The following HSD17B12 variants were observed in gnomAD, a reference collection of about 807,000 sequenced individuals.
HSD17B12 encodes the protein hydroxysteroid 17-beta dehydrogenase 12.
In HSD17B12, 32 loss-of-function variants were observed where a neutral mutation model predicts 39.3. The ratio of observed to expected loss-of-function variants is 0.81; its 90% CI spans 0.61 to 1.09. The LOEUF is 1.09. Ranked by LOEUF, HSD17B12 falls within the 50% of genes least tolerant of loss-of-function variation. HSD17B12 has a pLI of 0.00. For missense variants in HSD17B12, 342 were observed against 382.9 expected (o/e 0.89, Z 0.89); for synonymous variants, 150 against 146.7 (o/e 1.02, Z -0.16).
the HSD17B12 span, among the ~76,000 whole-genome samples, chr11:43,663,618 A>G: frequency 0.38 from 58,191 of 152,052 alleles, 12,594 homozygotes; most frequent in East Asian, 0.76. Flanking sequence ...ATTTTAAACC[A>G]TGTTTTCTGT....
intron 7 of HSD17B12, among the ~76,000 whole-genome samples, chr11:43,832,189 C>T (rs1951317911): frequency 6.6e-6 from 1 of 152,058 alleles, no homozygotes; most frequent in Non-Finnish European, 1.5e-5. Flanking sequence ...GTGGTTAGAC[C>T]AGACCAGAAC....
At chr11:43,599,112 A>T in the HSD17B12 span, among the ~76,000 whole-genome samples, 2 of 152,226 alleles carry the variant, frequency 1.3e-5, no homozygotes, top group Non-Finnish European at 2.9e-5. Flanking sequence ...TCAACGATCT[A>T]TCCATCTATC....
chr11:43,733,920 T>A (rs1341537141), intron 1 of HSD17B12: 3 of 690,842 alleles, frequency 4.3e-6, no homozygotes, highest in African/African-American at 3.5e-5. Context: ...GGGAAGGGAC[T>A]CACTTTCTCA....
rs11037573 is a variant in HSD17B12, at chr11:43,703,430, G to A, written c.160+22443G>A. Among the ~76,000 whole-genome samples, 567 of 152,208 alleles carry A rather than the reference G, an allele frequency of 3.7e-3. 3 individuals carry two copies. The highest frequency in any genetic ancestry group is 0.034 in the East Asian group (177 of 5,170). On this transcript the variant is annotated intron_variant, in intron 1 of 10. Transcript: ENST00000278353. ...GGGATGGTCTCGATCTCCCGACCTC[G>A]TGATCCGCCCGCCTCGGCCTCCCAA...
In HSD17B12 at chr11:43,854,837, C is replaced by T. The variant is rs749751547; in HGVS notation, c.807C>T (p.Thr269=). 4 of 1,614,064 alleles carry T rather than the reference C, an allele frequency of 2.5e-6. No individual in the cohort carries two copies. Among genetic ancestry groups the T allele is most frequent in the Admixed American group, 3.3e-5 (2 of 60,002 alleles). ...AIKTVGLQSR[T]NGYLIHALMG... ...AAACAGTCGGCCTGCAATCCCGAACCAATGGATACCTGATCCATGCTCTTA... is the reference window on the plus strand; with the variant it reads ...AAACAGTCGGCCTGCAATCCCGAACTAATGGATACCTGATCCATGCTCTTA... The change falls in exon 10 of 11, where the codon ACC becomes ACT. Residue 269 remains threonine (T), a synonymous_variant. Coordinates refer to ENST00000278353, the MANE Select transcript of HSD17B12 (RefSeq NM_016142.3).
chr11:43,591,454 A>G, the HSD17B12 span, among the ~76,000 whole-genome samples: 1 of 152,208 alleles, frequency 6.6e-6, no homozygotes, highest in Admixed American at 6.5e-5. Context: ...AGCAATCATG[A>G]AAACAGTGGC....
chr11:43,733,361 C>T (rs934439245), intron 1 of HSD17B12, among the ~76,000 whole-genome samples: 3 of 152,098 alleles, frequency 2.0e-5, no homozygotes, highest in Admixed American at 6.5e-5. Flanking sequence ...TATCTACCAC[C>T]CTCCTAGGGT....
intron 3 of HSD17B12, among the ~76,000 whole-genome samples, chr11:43,765,020 A>G: frequency 6.6e-6 from 1 of 151,424 alleles, no homozygotes; most frequent in East Asian, 1.9e-4. Flanking sequence ...CATGCTTTTT[A>G]TAATTCTAAT....
At chr11:43,633,278 TC>T in the HSD17B12 span, among the ~76,000 whole-genome samples, 1 of 152,200 alleles carries the variant, frequency 6.6e-6, no homozygotes, top group Non-Finnish European at 1.5e-5. Context: ...CCGCCTGTAA[TC>T]CCAGCACTTT....
the HSD17B12 span, among the ~76,000 whole-genome samples, chr11:43,591,277 G>C: frequency 1.3e-4 from 19 of 151,978 alleles, no homozygotes; most frequent in Non-Finnish European, 2.5e-4. Context: ...AACATTTTAG[G>C]CCATAATATA....
intron 1 of HSD17B12, among the ~76,000 whole-genome samples, chr11:43,712,286 G>A (rs904277078): frequency 1.3e-5 from 2 of 152,054 alleles, no homozygotes; most frequent in African/African-American, 4.8e-5. Flanking sequence ...AATTAGCTGG[G>A]CATGGTGGCA....
rs570882105 is a variant in HSD17B12 at position 43,804,728 on chromosome 11, G to T, written c.391+6301G>T. On this transcript the variant is annotated intron_variant, in intron 4 of 10. Transcript: ENST00000278353. Reference sequence around the variant, plus strand: ...ACCTAGTGTTTCCCAGAAGGTTCTAGGATAGAGAATAGTTGAATATAAATA... The same window carrying T: ...ACCTAGTGTTTCCCAGAAGGTTCTATGATAGAGAATAGTTGAATATAAATA... Among the ~76,000 whole-genome samples the T allele has an allele frequency of 3.1e-3, 467 of 152,176 alleles. 2 individuals are homozygous for T. Among genetic ancestry groups the T allele is most frequent in the Non-Finnish European group, 4.3e-3 (295 of 68,012 alleles).
At chr11:43,587,602 A>G in the HSD17B12 span, among the ~76,000 whole-genome samples, 1 of 152,260 alleles carries the variant, frequency 6.6e-6, no homozygotes, top group Non-Finnish European at 1.5e-5. Context: ...AATGCTGAAC[A>G]GCAGCTCGTA....
chr11:43,764,161 C>T (rs1431256612), intron 3 of HSD17B12, among the ~76,000 whole-genome samples: 1 of 152,080 alleles, frequency 6.6e-6, no homozygotes, highest in African/African-American at 2.4e-5. Context: ...TAATGTGAAA[C>T]TTGGATTCTT....
chr11:43,805,943 CA>C (rs1951014205), intron 4 of HSD17B12, among the ~76,000 whole-genome samples: 1 of 152,142 alleles, frequency 6.6e-6, no homozygotes, highest in African/African-American at 2.4e-5. Flanking sequence ...CTCAGAAAAG[CA>C]CTATACTCAT....
At chr11:43,644,868 G>C in the HSD17B12 span, 2 of 152,240 alleles carry the variant, frequency 1.3e-5, no homozygotes, top group African/African-American at 2.4e-5. Flanking sequence ...GTTCCTACTT[G>C]TGAAATGCCT....
the HSD17B12 span, among the ~76,000 whole-genome samples, chr11:43,643,880 A>T: frequency 7.4e-4 from 113 of 152,342 alleles, 3 homozygotes; most frequent in East Asian, 0.017. Context: ...GATAAAGTCG[A>T]AGGGGAAGAT....
intron 1 of HSD17B12, among the ~76,000 whole-genome samples, chr11:43,698,811 T>C (rs1949936568): frequency 6.6e-6 from 1 of 152,188 alleles, no homozygotes; most frequent in South Asian, 2.1e-4. Context: ...TATGAGTTGA[T>C]CAGCTTGTGT....
At chr11:43,676,208 G>GGTGTGTGTTTGT (rs1554958173), upstream of HSD17B12, among the ~76,000 whole-genome samples, 1 of 147,626 alleles carries the variant, frequency 6.8e-6, no homozygotes. Flanking sequence ...AGAGGAAGAG[G>GGTGTGTGTTTGT]GTGTGTGTGT....
Sources: allele counts gnomAD v4.1 joint callset (sites outside exome capture counted in the v4.1 genomes callset), GRCh38; gene constraint gnomAD v4.1.1; transcripts MANE v1.5; gene names NCBI Gene and HGNC (gene_info 2026-07-23, HGNC 2026-07-21).